The following RANBP2 variants were observed in gnomAD, a reference collection of about 807,000 sequenced individuals.
RANBP2 encodes the protein RAN binding protein 2.
In RANBP2, 57 loss-of-function variants were observed where a neutral mutation model predicts 303.6. That is an observed-to-expected ratio of 0.19 (90% CI 0.15 to 0.23). RANBP2 has a LOEUF of 0.23. Ranked by LOEUF, RANBP2 falls within the 10% of genes least tolerant of loss-of-function variation. The pLI, the probability that RANBP2 is intolerant of heterozygous loss-of-function variation, is 1.00. For synonymous variants in RANBP2, 1,167 were observed against 1,301.5 expected (o/e 0.90, Z 2.23); for missense variants, 3,138 against 3,780.8 (o/e 0.83, Z 4.46).
chr2:109,180,720 G>A, the RANBP2 span, among the ~76,000 whole-genome samples: 1 of 152,134 alleles, frequency 6.6e-6, no homozygotes, highest in Non-Finnish European at 1.5e-5. Flanking sequence ...CACCACCATT[G>A]TGAGGCTTCC....
Position 108,768,334 on chromosome 2 carries a change from T to C in RANBP2, c.7795T>C (p.Ser2599Pro), listed in dbSNP as rs1384507822. 6.2e-7 allele frequency: 1 copy of C among 1,612,002 alleles called. No homozygotes were observed. Among genetic ancestry groups the C allele is most frequent in the South Asian group, 1.1e-5 (1 of 90,988 alleles). The change falls in exon 20 of 29, where the codon TCC (serine) becomes CCC (proline). Residue 2599 changes from serine to proline, a missense_variant. By Grantham distance (74) the Ser-to-Pro change is moderately conservative (BLOSUM62 -1). Transcript: ENST00000283195. Reference protein sequence around the residue: ...SDSKVKNLFASFPTEESSINY... With the variant: ...SDSKVKNLFAPFPTEESSINY... ...TAGCAAAGTCAAAAATCTCTTTGCT[T>C]CCTTTCCAACGGAAGAATCTTCAAT...
At chr2:108,915,514 G>A in the RANBP2 span, among the ~76,000 whole-genome samples, 1 of 152,206 alleles carries the variant, frequency 6.6e-6, no homozygotes, top group African/African-American at 2.4e-5. Flanking sequence ...ATGATGAATG[G>A]AGGCTTTTTT....
chr2:109,204,657 C>G, the RANBP2 span, among the ~76,000 whole-genome samples: 2 of 152,214 alleles, frequency 1.3e-5, no homozygotes, highest in South Asian at 4.1e-4. Context: ...TGCCAGGGAC[C>G]TGCTGGCAGG....
chr2:109,095,933 A>G, the RANBP2 span, among the ~76,000 whole-genome samples: 1 of 152,184 alleles, frequency 6.6e-6, no homozygotes, highest in Non-Finnish European at 1.5e-5. Flanking sequence ...GCAGGGAAAA[A>G]CGGGAGGTGA....
At chr2:109,009,527 T>C in the RANBP2 span, among the ~76,000 whole-genome samples, 12 of 151,890 alleles carry the variant, frequency 7.9e-5, 1 homozygote, top group East Asian at 2.3e-3. Context: ...TGCGTTTGTT[T>C]GTTTGTTTTG....
the RANBP2 span, among the ~76,000 whole-genome samples, chr2:109,318,326 G>C: frequency 3.9e-5 from 6 of 152,040 alleles, no homozygotes; most frequent in Non-Finnish European, 1.5e-5. Flanking sequence ...GTGCCTCCCG[G>C]CCCCCAGCCC....
the RANBP2 span, among the ~76,000 whole-genome samples, chr2:109,249,274 A>G: frequency 6.6e-6 from 1 of 152,146 alleles, no homozygotes; most frequent in African/African-American, 2.4e-5. Context: ...TATTTGGTAA[A>G]AGAAGAGGGC....
chr2:109,133,437 A>G, the RANBP2 span, among the ~76,000 whole-genome samples: 4 of 152,326 alleles, frequency 2.6e-5, no homozygotes, highest in East Asian at 5.8e-4. Context: ...TTATAAGCAT[A>G]CACGTGTATG....
chr2:109,505,790 C>T, the RANBP2 span, among the ~76,000 whole-genome samples: 4 of 152,150 alleles, frequency 2.6e-5, no homozygotes, highest in Admixed American at 2.0e-4. Flanking sequence ...ACCCTCAGAA[C>T]TCAAAAGCTG....
chr2:109,449,455 C>G, the RANBP2 span: 2 of 1,613,894 alleles, frequency 1.2e-6, no homozygotes, highest in East Asian at 4.5e-5. Flanking sequence ...CCCACCAACA[C>G]GGGATGCAAA....
the RANBP2 span, among the ~76,000 whole-genome samples, chr2:109,283,594 A>G: frequency 6.6e-6 from 1 of 152,196 alleles, no homozygotes; most frequent in Admixed American, 6.5e-5. Context: ...GCCCCTTCCT[A>G]AAAGCTGGGG....
chr2:109,356,091 A>G, the RANBP2 span, among the ~76,000 whole-genome samples: 3 of 152,172 alleles, frequency 2.0e-5, no homozygotes, highest in Non-Finnish European at 4.4e-5. Context: ...TGGAGGTTGT[A>G]ATTATTGTGG....
chr2:109,040,260 T>C, the RANBP2 span, among the ~76,000 whole-genome samples: 1 of 152,222 alleles, frequency 6.6e-6, no homozygotes, highest in Non-Finnish European at 1.5e-5. Context: ...CAAGTGTCTG[T>C]ATATTCATGA....
chr2:108,803,298 CTGTT>C, the RANBP2 span, among the ~76,000 whole-genome samples: 53 of 152,348 alleles, frequency 3.5e-4, no homozygotes, highest in Non-Finnish European at 6.0e-4. Flanking sequence ...AGAGGATCCT[CTGTT>C]TGAGTCTCTC....
At chr2:109,336,354 G>A in the RANBP2 span, among the ~76,000 whole-genome samples, 34 of 152,340 alleles carry the variant, frequency 2.2e-4, no homozygotes, top group East Asian at 4.2e-3. Flanking sequence ...AAGGCTTCAA[G>A]AAGGAATTTC....
chr2:109,094,822 C>A, the RANBP2 span, among the ~76,000 whole-genome samples: 861 of 152,166 alleles, frequency 5.7e-3, 10 homozygotes, highest in Non-Finnish European at 8.5e-3. Context: ...AAGAGCAAGT[C>A]TCCATCTCAA....
chr2:109,129,196 G>C, the RANBP2 span: 9 of 486,604 alleles, frequency 1.8e-5, no homozygotes, highest in South Asian at 1.4e-4. Flanking sequence ...GCGAGCCGCC[G>C]CTTGCAGCAC....
the RANBP2 span, among the ~76,000 whole-genome samples, chr2:109,583,389 G>A: frequency 0.068 from 10,317 of 152,082 alleles, 572 homozygotes; most frequent in African/African-American, 0.15. Context: ...ATGACAAAAC[G>A]CTCAACATAA....
the RANBP2 span, among the ~76,000 whole-genome samples, chr2:109,629,223 T>TAAATAAA: frequency 4.7e-5 from 6 of 126,732 alleles, no homozygotes; most frequent in East Asian, 1.5e-3. Flanking sequence ...AATAAATAAA[T>TAAATAAA]AAATAAATAA....
Sources: gnomAD v4.1 joint callset for allele counts (sites outside exome capture counted in the v4.1 genomes callset) on GRCh38, gnomAD v4.1.1 for gene constraint, MANE v1.5 for transcripts, NCBI Gene and HGNC (gene_info 2026-07-23, HGNC 2026-07-21) for gene names.